The following ARHGEF38 variants were observed in gnomAD, a reference collection of about 807,000 sequenced individuals.
The protein encoded by ARHGEF38 is Rho guanine nucleotide exchange factor (GEF) 38.
Under a neutral mutation model 79.9 loss-of-function variants are expected in ARHGEF38, and 79 were observed. The ratio of observed to expected loss-of-function variants is 0.99; its 90% CI spans 0.82 to 1.19. ARHGEF38 has a LOEUF of 1.19. Among genes scored for constraint, ARHGEF38 ranks in the 50% most tolerant of loss-of-function variants. ARHGEF38 has a pLI of 0.00. For missense variants in ARHGEF38, 962 were observed against 907.2 expected, an observed-to-expected ratio of 1.06 and a Z score of -0.78; for synonymous variants, 366 against 328.3, an observed-to-expected ratio of 1.11 and a Z score of -1.24.
Position 105,552,791 on chromosome 4 carries a change from A to G in ARHGEF38, c.26A>G (p.Lys9Arg), listed in dbSNP as rs772317417. Residue 9 changes from lysine (K) to arginine (R), a missense_variant, in exon 1 of 14, where the codon AAA becomes AGA. Lys to Arg is a conservative substitution (Grantham distance 26). Transcript: ENST00000420470. ...ATGGAGCCCAAAGAAGCCACTGGGA[A>G]AGAAAACATGGTCACCAAGAAAAAG... MEPKEATG[K>R]ENMVTKKKNL... 6.2e-7 allele frequency: 1 copy of G among 1,611,352 alleles called. No individual in the cohort carries two copies.
At chr4:105,640,333 C>A (rs1224248382) in intron 5 of ARHGEF38, among the ~76,000 whole-genome samples, 3 of 151,248 alleles carry the variant, frequency 2.0e-5, no homozygotes, top group Non-Finnish European at 4.4e-5. Context: ...TTTCATTGTG[C>A]CCTCCTCCTC....
chr4:105,600,981 G>T (rs1421228172), intron 2 of ARHGEF38, among the ~76,000 whole-genome samples: 1 of 152,004 alleles, frequency 6.6e-6, no homozygotes, highest in Non-Finnish European at 1.5e-5. Context: ...TAACCTCCTG[G>T]ATTTTTACAA....
intron 1 of ARHGEF38, among the ~76,000 whole-genome samples, chr4:105,559,068 T>C (rs747973298): frequency 6.6e-6 from 1 of 151,894 alleles, no homozygotes; most frequent in Non-Finnish European, 1.5e-5. Context: ...AAAACCTCTG[T>C]TTACAGAATT....
At chr4:105,601,354 C>T (rs533859905) in intron 2 of ARHGEF38, among the ~76,000 whole-genome samples, 7 of 152,244 alleles carry the variant, frequency 4.6e-5, no homozygotes, top group African/African-American at 1.7e-4. Context: ...CTCAGTAAAT[C>T]CTTCCTTCAC....
intron 2 of ARHGEF38, among the ~76,000 whole-genome samples, chr4:105,604,195 T>A (rs531128164): frequency 6.6e-6 from 1 of 152,110 alleles, no homozygotes; most frequent in African/African-American, 2.4e-5. Context: ...AGGGAAACCA[T>A]TGGAAATTTA....
At chr4:105,677,003 G>A (rs1731146408) in intron 13 of ARHGEF38, among the ~76,000 whole-genome samples, 1 of 150,834 alleles carries the variant, frequency 6.6e-6, no homozygotes, top group Non-Finnish European at 1.5e-5. Flanking sequence ...TCACTCCGTC[G>A]CCCAGGCTGG....
At chr4:105,671,975 T>C (rs1730971434) in intron 13 of ARHGEF38, among the ~76,000 whole-genome samples, 1 of 152,152 alleles carries the variant, frequency 6.6e-6, no homozygotes, top group African/African-American at 2.4e-5. Context: ...ATGGGTCTAG[T>C]GGGCCCTGAC....
chr4:105,657,608 T>A lies in ARHGEF38; in HGVS notation c.1234-1446T>A, dbSNP rs146264732. ...GAGTCACTGGATATATATATATATATAATACTGTAATTAGATTACCTGTAG... is the reference window on the plus strand; with the variant it reads ...GAGTCACTGGATATATATATATATAAAATACTGTAATTAGATTACCTGTAG... On this transcript the variant is annotated intron_variant, in intron 9 of 13. Coordinates refer to ENST00000420470, the MANE Select transcript of ARHGEF38 (RefSeq NM_001242729.2). 2.1e-3 allele frequency among the ~76,000 whole-genome samples: 317 copies of A among 152,200 alleles called. 2 individuals are homozygous for A. The highest frequency in any genetic ancestry group is 7.4e-3 in the African/African-American group (306 of 41,526).
intron 3 of ARHGEF38, among the ~76,000 whole-genome samples, chr4:105,618,285 G>A (rs1267035222): frequency 6.6e-6 from 1 of 152,152 alleles, no homozygotes; most frequent in Non-Finnish European, 1.5e-5. Context: ...AGTTCTTGCT[G>A]ATATAAATAA....
Position 105,589,328 on chromosome 4 carries a change from G to A in ARHGEF38, c.277G>A (p.Ala93Thr), listed in dbSNP as rs779283012. 6.2e-7 allele frequency: 1 copy of A among 1,614,048 alleles called. No individual in the cohort carries two copies. The highest frequency in any genetic ancestry group is 1.3e-5 in the African/African-American group (1 of 75,028). ...EEEHHMKRMM[A>T]KREKIIKELI... is the part of the protein sequence containing the mutation. ...AGAGCATCATATGAAGAGGATGATG[G>A]CAAAGCGGGAAAAGATCATTAAGGA... The change falls in exon 2 of 14, where the codon GCA (alanine) becomes ACA (threonine). Residue 93 changes from alanine to threonine, a missense_variant. Physicochemically the swap from Ala to Thr is moderately conservative, Grantham distance 58 (BLOSUM62 0). Transcript: ENST00000420470.
chr4:105,631,412 A>G (rs1729188546), intron 4 of ARHGEF38: 1 of 990,604 alleles, frequency 1.0e-6, no homozygotes. Flanking sequence ...ACTGGAGCAC[A>G]TGGGTTAATG....
chr4:105,638,008 C>T (rs1450398691), intron 5 of ARHGEF38, among the ~76,000 whole-genome samples: 2 of 152,108 alleles, frequency 1.3e-5, no homozygotes, highest in Non-Finnish European at 2.9e-5. Context: ...AATTATTTTC[C>T]TTCCTGTTCC....
intron 2 of ARHGEF38, among the ~76,000 whole-genome samples, chr4:105,604,776 G>T (rs769313942): frequency 2.0e-5 from 3 of 152,024 alleles, no homozygotes; most frequent in Non-Finnish European, 2.9e-5. Context: ...CCCTCACACA[G>T]TGAGTACTCA....
At chr4:105,590,372 T>C (rs1727281077) in intron 2 of ARHGEF38, among the ~76,000 whole-genome samples, 1 of 152,024 alleles carries the variant, frequency 6.6e-6, no homozygotes. Context: ...AAACAGAAGC[T>C]AGAAAGTGAA....
At chr4:105,663,672 T>TA (rs1194783946) in intron 10 of ARHGEF38, among the ~76,000 whole-genome samples, 2 of 152,202 alleles carry the variant, frequency 1.3e-5, no homozygotes, top group Non-Finnish European at 2.9e-5. Context: ...TCATTATATA[T>TA]AAAAAACACA....
chr4:105,613,455 G>C lies in ARHGEF38; in HGVS notation c.456G>C (p.Leu152=), dbSNP rs374441505. ...TGCATCAGATATCAGCCAAGCTGCTGTCATTGTTGGAAGAGGCCACAACAG... is the reference window on the plus strand; with the variant it reads ...TGCATCAGATATCAGCCAAGCTGCTCTCATTGTTGGAAGAGGCCACAACAG... ...ESVHQISAKL[L]SLLEEATTDV... Residue 152 remains leucine, a synonymous_variant, in exon 3 of 14, where the codon CTG becomes CTC. Transcript: ENST00000420470. The C allele has an allele frequency of 5.6e-6, 9 of 1,613,250 alleles. No individual in the cohort carries two copies. The African/African-American group carries it at 9.3e-5, about 17-fold the overall frequency.
At chr4:105,668,651 T>C (rs1051112083) in intron 13 of ARHGEF38, among the ~76,000 whole-genome samples, 1 of 146,770 alleles carries the variant, frequency 6.8e-6, no homozygotes, top group African/African-American at 2.5e-5. Context: ...AGGTTATGTA[T>C]ATGTATATGT....
At chr4:105,580,281 T>A (rs1175540418) in intron 1 of ARHGEF38, among the ~76,000 whole-genome samples, 1 of 152,212 alleles carries the variant, frequency 6.6e-6, no homozygotes, top group Non-Finnish European at 1.5e-5. Flanking sequence ...TGCTCTTCCT[T>A]CTTTAGCTCT....
intron 2 of ARHGEF38, among the ~76,000 whole-genome samples, chr4:105,594,660 T>C (rs574051267): frequency 6.6e-6 from 1 of 152,344 alleles, no homozygotes; most frequent in African/African-American, 2.4e-5. Flanking sequence ...CTGAGTCACC[T>C]TGTATGAGTG....
Sources: allele counts gnomAD v4.1 joint callset (sites outside exome capture counted in the v4.1 genomes callset), GRCh38; gene constraint gnomAD v4.1.1; transcripts MANE v1.5; gene names NCBI Gene and HGNC (gene_info 2026-07-23, HGNC 2026-07-21).